Variants in SH3RF1 observed in about 807,000 individuals in gnomAD.
SH3RF1 encodes the protein SH3 domain containing ring finger 1, also known as E3 ubiquitin-protein ligase SH3RF1.
SH3RF1 carries 32 observed loss-of-function variants against 74.0 expected under a neutral mutation model. The ratio of observed to expected loss-of-function variants is 0.43; its 90% CI spans 0.33 to 0.58. The LOEUF (loss-of-function observed/expected upper bound fraction) is 0.58. Ranked by LOEUF, SH3RF1 falls within the 20% of genes least tolerant of loss-of-function variation. The pLI is 0.05. For synonymous variants in SH3RF1, 396 were observed against 439.6 expected (o/e 0.90, Z 1.24); for missense variants, 954 against 1,130.9 (o/e 0.84, Z 2.24).
At chr4:169,233,330 G>A (rs1047736387) in intron 2 of SH3RF1, among the ~76,000 whole-genome samples, 2 of 151,250 alleles carry the variant, frequency 1.3e-5, no homozygotes, top group African/African-American at 2.4e-5. Context: ...TTAACATTCC[G>A]GTTATCTGGA....
intron 6 of SH3RF1, among the ~76,000 whole-genome samples, chr4:169,124,648 G>A (rs1413507089): frequency 2.6e-5 from 4 of 152,224 alleles, no homozygotes; most frequent in Non-Finnish European, 5.9e-5. Context: ...AACAGATGAA[G>A]ATCAAGAAAC....
At chr4:169,110,026 C>CAAA (rs5863981) in intron 10 of SH3RF1, among the ~76,000 whole-genome samples, 4 of 107,332 alleles carry the variant, frequency 3.7e-5, no homozygotes, top group South Asian at 3.1e-4. Context: ...CAAAACAATA[C>CAAA]AAAAAAAAAA....
intron 2 of SH3RF1, among the ~76,000 whole-genome samples, chr4:169,164,710 G>C (rs942235075): frequency 1.3e-5 from 2 of 152,190 alleles, no homozygotes; most frequent in African/African-American, 4.8e-5. Context: ...GTCCGTTCTG[G>C]AAGTGGGCAG....
rs148401811 is a variant in SH3RF1, at chr4:169,122,754, C to T, written c.1180-488G>A. Among the ~76,000 whole-genome samples, 23 of 152,270 alleles carry T rather than the reference C, an allele frequency of 1.5e-4. No homozygotes were observed. In the East Asian group the frequency reaches 4.4e-3, roughly 29 times the overall value. ...AAGAAAATTTCCTTTGATGCCTGGT[C>T]TACAAAAAGCCCAAACAATAGTAAG... On this transcript the variant is annotated intron_variant, in intron 6 of 11. Transcript: ENST00000284637.
chr4:169,132,643 T>C (rs1342377135), intron 5 of SH3RF1, among the ~76,000 whole-genome samples: 1 of 150,738 alleles, frequency 6.6e-6, no homozygotes, highest in African/African-American at 2.5e-5. Context: ...CTGCAAAAAT[T>C]AGTTGTCTCC....
intron 2 of SH3RF1, among the ~76,000 whole-genome samples, chr4:169,264,134 A>G (rs894368502): frequency 3.2e-4 from 48 of 152,314 alleles, no homozygotes; most frequent in Admixed American, 1.1e-3. Context: ...AAGGGCACAG[A>G]CTGGGTGGCT....
chr4:169,171,558 C>A (rs1406408853), intron 2 of SH3RF1, among the ~76,000 whole-genome samples: 1 of 152,122 alleles, frequency 6.6e-6, no homozygotes, highest in Non-Finnish European at 1.5e-5. Flanking sequence ...GAAAAGTAGA[C>A]AGCAGAAAAA....
intron 2 of SH3RF1, among the ~76,000 whole-genome samples, chr4:169,257,410 G>A (rs1229210086): frequency 3.3e-5 from 5 of 152,186 alleles, no homozygotes; most frequent in Non-Finnish European, 7.3e-5. Flanking sequence ...ACTTACTCCT[G>A]TTGACTCTGC....
intron 4 of SH3RF1, among the ~76,000 whole-genome samples, chr4:169,137,438 G>A (rs979801866): frequency 1.3e-5 from 2 of 151,976 alleles, no homozygotes; most frequent in Non-Finnish European, 2.9e-5. Context: ...AAACATTTCT[G>A]GAAAGCTTCA....
intron 7 of SH3RF1, 86 bp from the exon 8 acceptor site, chr4:169,121,075 G>T: frequency 9.3e-7 from 1 of 1,074,758 alleles, no homozygotes. Flanking sequence ...ACAAAGTGTT[G>T]AACATTTTGT....
chr4:169,099,058 A>G (rs1732975360), intron 11 of SH3RF1, among the ~76,000 whole-genome samples: 1 of 152,070 alleles, frequency 6.6e-6, no homozygotes, highest in South Asian at 2.1e-4. Flanking sequence ...GATTTGACAA[A>G]CTTTAGATCA....
In SH3RF1 at chr4:169,130,069, C is replaced by T; in HGVS notation, c.1156G>A (p.Val386Ile). 1.2e-6 allele frequency: 2 copies of T among 1,613,514 alleles called. No individual in the cohort carries two copies. Among genetic ancestry groups the T allele is most frequent in the Non-Finnish European group, 8.5e-7 (1 of 1,179,806 alleles). Residue 386 changes from valine to isoleucine, a missense_variant, in exon 6 of 12, where the codon GTT becomes ATT. Physicochemically the swap from Val to Ile is conservative, Grantham distance 29. Coordinates refer to ENST00000284637, the MANE Select transcript of SH3RF1 (RefSeq NM_020870.4). Reference sequence around the variant, plus strand: ...ACTCCAAGGGCAGCTTGGTAGGGAACATCTGATGGGAAAGTAAACGAGGGG... The same window carrying T: ...ACTCCAAGGGCAGCTTGGTAGGGAATATCTGATGGGAAAGTAAACGAGGGG... ...TGPSFTFPSD[V>I]PYQAALGTLN...
At chr4:169,222,329 G>A (rs1579146957) in intron 2 of SH3RF1, among the ~76,000 whole-genome samples, 1 of 152,136 alleles carries the variant, frequency 6.6e-6, no homozygotes, top group East Asian at 1.9e-4. Flanking sequence ...GCCAGGCATG[G>A]TAGCAGACAC....
At chr4:169,100,211 G>C (rs888375466) in intron 11 of SH3RF1, among the ~76,000 whole-genome samples, 2 of 152,022 alleles carry the variant, frequency 1.3e-5, no homozygotes, top group African/African-American at 4.8e-5. Context: ...TGAACCTCAG[G>C]GGTCAATGAA....
At chr4:169,130,009 C>A in intron 6 of SH3RF1, 37 bp downstream of exon 6, 1 of 1,559,288 alleles carries the variant, frequency 6.4e-7, no homozygotes, top group African/African-American at 1.4e-5. Context: ...GACTAAAGAC[C>A]TAAAAGAGAA....
intron 2 of SH3RF1, among the ~76,000 whole-genome samples, chr4:169,209,985 T>A (rs1330905711): frequency 6.6e-6 from 1 of 151,982 alleles, no homozygotes; most frequent in Non-Finnish European, 1.5e-5. Flanking sequence ...TTTGTAGAGA[T>A]GGGGTTCGCC....
intron 2 of SH3RF1, among the ~76,000 whole-genome samples, chr4:169,161,593 A>G (rs1341651802): frequency 1.3e-5 from 2 of 152,220 alleles, no homozygotes; most frequent in Non-Finnish European, 2.9e-5. Flanking sequence ...TACGTGCAAG[A>G]CAGCCTCTCT....
intron 11 of SH3RF1, among the ~76,000 whole-genome samples, chr4:169,105,053 T>TA (rs1733109362): frequency 6.6e-6 from 1 of 152,162 alleles, no homozygotes; most frequent in African/African-American, 2.4e-5. Context: ...TGGATACAAA[T>TA]ATACATATGG....
chr4:169,256,907 G>A (rs1322456804), intron 2 of SH3RF1, among the ~76,000 whole-genome samples: 4 of 152,166 alleles, frequency 2.6e-5, no homozygotes, highest in South Asian at 2.1e-4. Context: ...TTGCCCCAGA[G>A]TTTATTTTAC....
Sources: gnomAD v4.1 joint callset for allele counts (sites outside exome capture counted in the v4.1 genomes callset) on GRCh38, gnomAD v4.1.1 for gene constraint, MANE v1.5 for transcripts, NCBI Gene and HGNC (gene_info 2026-07-23, HGNC 2026-07-21) for gene names.